LYRM4: variants seen among roughly 807,000 people sequenced by gnomAD.
LYRM4 encodes the protein LYR motif-containing protein 4.
LYRM4 carries 9 observed loss-of-function variants against 11.7 expected under a neutral mutation model. The observed-to-expected ratio is 0.77, with a 90% confidence interval of 0.46 to 1.34. The LOEUF is 1.34. LYRM4 is among the 40% of genes most tolerant of loss of function. The pLI, the probability that LYRM4 is intolerant of heterozygous loss-of-function variation, is 0.00. For synonymous variants in LYRM4, 42 were observed against 40.4 expected (o/e 1.04, Z -0.15); for missense variants, 133 against 112.5 (o/e 1.18, Z -0.82).
chr6:5,073,484 ATCTATATATATC>A, the LYRM4 span, among the ~76,000 whole-genome samples: 18 of 148,438 alleles, frequency 1.2e-4, no homozygotes, highest in African/African-American at 3.2e-4. Flanking sequence ...TATTTTATAT[ATCTATATATATC>A]TCTATATATA....
the LYRM4 span, among the ~76,000 whole-genome samples, chr6:5,074,834 T>G: frequency 6.6e-6 from 1 of 151,962 alleles, no homozygotes; most frequent in African/African-American, 2.4e-5. Context: ...TTCTGTGGAG[T>G]GCTGATATAG....
rs143993179 is a variant in LYRM4, at chr6:5,233,914, G to T, written c.87-17176C>A. On this transcript the variant is annotated intron_variant, in intron 1 of 2. Coordinates refer to ENST00000330636, the MANE Select transcript of LYRM4 (RefSeq NM_020408.6). ...CACGGTCATACACAGAACTGGCTTT[G>T]AGAAGATACGAACCCAGGCAAGTGA... 6.3e-4 allele frequency among the ~76,000 whole-genome samples: 96 copies of T among 152,332 alleles called. 1 individual carries two copies. The highest frequency in any genetic ancestry group is 2.3e-3 in the African/African-American group (94 of 41,566).
At chr6:5,139,117 A>G (rs1204004066) in intron 2 of LYRM4, among the ~76,000 whole-genome samples, 1 of 152,228 alleles carries the variant, frequency 6.6e-6, no homozygotes, top group Non-Finnish European at 1.5e-5. Flanking sequence ...ATAGGTTTTG[A>G]CATCTCTGCG....
chr6:5,178,297 T>A (rs1289899283), intron 2 of LYRM4, among the ~76,000 whole-genome samples: 1 of 152,176 alleles, frequency 6.6e-6, no homozygotes, highest in Non-Finnish European at 1.5e-5. Flanking sequence ...TTCTTATGTG[T>A]ATCATAAACT....
At chr6:5,057,264 C>A in the LYRM4 span, among the ~76,000 whole-genome samples, 1 of 152,170 alleles carries the variant, frequency 6.6e-6, no homozygotes, top group Non-Finnish European at 1.5e-5. Context: ...AGCCTGCTGT[C>A]ATTGCTAAAG....
chr6:5,155,826 C>G (rs1246265051), intron 2 of LYRM4, among the ~76,000 whole-genome samples: 1 of 152,206 alleles, frequency 6.6e-6, no homozygotes, highest in African/African-American at 2.4e-5. Context: ...GCAAAGGTCT[C>G]TGGTATGTTA....
chr6:5,221,809 T>A (rs2127730293), intron 1 of LYRM4, among the ~76,000 whole-genome samples: 1 of 152,342 alleles, frequency 6.6e-6, no homozygotes, highest in Non-Finnish European at 1.5e-5. Context: ...TAGAGACTCA[T>A]CCTAAATTCT....
At chr6:5,085,205 C>G in the LYRM4 span, 1 of 434,828 alleles carries the variant, frequency 2.3e-6, no homozygotes, top group Admixed American at 4.3e-5. Context: ...CGCCTCCCCG[C>G]CCCCGGCCCT....
chr6:5,144,989 C>T (rs942714273), intron 2 of LYRM4, among the ~76,000 whole-genome samples: 3 of 152,308 alleles, frequency 2.0e-5, no homozygotes, highest in African/African-American at 2.4e-5. Context: ...GGGTGGCTCC[C>T]GGAGAAGGAC....
intron 2 of LYRM4, among the ~76,000 whole-genome samples, chr6:5,118,094 A>ATATATATTTTTT: frequency 8.0e-4 from 69 of 86,100 alleles, no homozygotes; most frequent in East Asian, 3.7e-3. Context: ...ATATATATAT[A>ATATATATTTTTT]TTTTTGTTTT....
intron 2 of LYRM4, among the ~76,000 whole-genome samples, chr6:5,142,138 C>G (rs1443927064): frequency 6.6e-6 from 1 of 152,148 alleles, no homozygotes; most frequent in Non-Finnish European, 1.5e-5. Context: ...TGTGTTCTCT[C>G]TATGTGAACC....
chr6:5,187,836 A>AG (rs1021446861), intron 2 of LYRM4, among the ~76,000 whole-genome samples: 59 of 151,604 alleles, frequency 3.9e-4, no homozygotes, highest in African/African-American at 1.4e-3. Flanking sequence ...TTAGTGGAAA[A>AG]AAAAAGAAGC....
chr6:5,218,535 A>T (rs1229092471), intron 1 of LYRM4: 5 of 221,328 alleles, frequency 2.3e-5, no homozygotes, highest in African/African-American at 4.7e-5. Context: ...TGATACTAGG[A>T]ATCATAAAGG....
In LYRM4 at chr6:5,225,226, T is replaced by C. The variant is rs1255605717; in HGVS notation, c.87-8488A>G. Among the ~76,000 whole-genome samples, 6 of 131,730 alleles carry C rather than the reference T, an allele frequency of 4.6e-5. No homozygotes were observed. The Admixed American group carries it at 5.5e-4, about 12-fold the overall frequency. The allele number at this position is 131,730 out of a possible 152,430, so 86.4% of individuals were successfully genotyped here. ...TTGCGCCACTGCGCTCCAGCCTGGGTGACAGAGCAAGACTCCGAATCAAAA... is the reference window on the plus strand; with the variant it reads ...TTGCGCCACTGCGCTCCAGCCTGGGCGACAGAGCAAGACTCCGAATCAAAA... On this transcript the variant is annotated intron_variant, in intron 1 of 2. Transcript: ENST00000330636.
rs567524087 is a variant in LYRM4, at chr6:5,236,782, TAA to T, written c.87-20046_87-20045del. ...GAGCAACACAGTGAGACCCTGTCTC[TAA>T]AAAAAAAAAAAAAAAATTAAAAATT... On this transcript the variant is annotated intron_variant, in intron 1 of 2. Coordinates refer to ENST00000330636, the MANE Select transcript of LYRM4 (RefSeq NM_020408.6). Among the ~76,000 whole-genome samples the T allele has an allele frequency of 7.5e-4, 97 of 128,590 alleles. No homozygotes were observed. The South Asian group carries it at 8.9e-3, about 12-fold the overall frequency. The allele number at this position is 128,590 out of a possible 152,430, so 84.4% of individuals were successfully genotyped here.
intron 1 of LYRM4, among the ~76,000 whole-genome samples, chr6:5,254,390 C>T (rs373997798): frequency 1.7e-4 from 26 of 152,288 alleles, no homozygotes; most frequent in African/African-American, 4.6e-4. Context: ...CGGATTTTTA[C>T]GCCACAGGAA....
chr6:5,120,546 G>A lies in LYRM4; in HGVS notation c.208-11055C>T, dbSNP rs1450278477. Among the ~76,000 whole-genome samples, 5 of 152,344 alleles carry A rather than the reference G, an allele frequency of 3.3e-5. No homozygotes were observed. The East Asian group carries it at 9.6e-4, about 29-fold the overall frequency. ...CGAAGGAACAAAGTCTCCACAGCGTGGAAGGGGACGCCAGTGGGTTGCTGC... is the reference window on the plus strand; with the variant it reads ...CGAAGGAACAAAGTCTCCACAGCGTAGAAGGGGACGCCAGTGGGTTGCTGC... On this transcript the variant is annotated intron_variant, in intron 2 of 2. Transcript: ENST00000330636.
chr6:5,102,607 C>CT (rs1185035829), downstream of LYRM4: 1 of 152,222 alleles, frequency 6.6e-6, no homozygotes, highest in Non-Finnish European at 1.5e-5. Flanking sequence ...ACTAAGAAAG[C>CT]TTATCACTTT....
At chr6:5,139,888 G>T (rs149255100) in intron 2 of LYRM4, among the ~76,000 whole-genome samples, 29,852 of 148,000 alleles carry the variant, frequency 0.2, 3,562 homozygotes, top group African/African-American at 0.31. Context: ...CCCAGGCTGG[G>T]GGGCAGTGGT....
Sources: gnomAD v4.1 joint callset for allele counts (sites outside exome capture counted in the v4.1 genomes callset) on GRCh38, gnomAD v4.1.1 for gene constraint, MANE v1.5 for transcripts, NCBI Gene and HGNC (gene_info 2026-07-23, HGNC 2026-07-21) for gene names.